DEPDC1B: variants seen among roughly 807,000 people sequenced by gnomAD.
DEPDC1B encodes DEP domain-containing protein 1B.
DEPDC1B carries 51 observed loss-of-function variants against 66.5 expected under a neutral mutation model. That is an observed-to-expected ratio of 0.77 (90% CI 0.61 to 0.97). The LOEUF (loss-of-function observed/expected upper bound fraction) is 0.97, where lower values mean the gene tolerates loss of function less well. Ranked by LOEUF, DEPDC1B falls within the 50% of genes least tolerant of loss-of-function variation. The pLI is 0.00. For synonymous variants in DEPDC1B, 226 were observed against 223.6 expected (o/e 1.01, Z -0.10); for missense variants, 552 against 637.1 (o/e 0.87, Z 1.44).
At position 60,644,806 on chromosome 5, in the gene DEPDC1B, G is replaced by A. The variant is rs151101076; in HGVS notation, c.648C>T (p.Phe216=). The change falls in exon 5 of 11, where the codon TTC becomes TTT. Residue 216 remains phenylalanine (F), a synonymous_variant. Coordinates refer to ENST00000265036, the MANE Select transcript of DEPDC1B (RefSeq NM_018369.3). ...TAACACTATATACATTATGGATGAT[G>A]AACTTCGAATTGACAAGTTTGACGT... The part of the protein sequence containing the change: ...VLDVKLVNSK[F]IIHNVYSVSK... The A allele has an allele frequency of 2.2e-5, 35 of 1,611,292 alleles. No homozygotes were observed. The highest frequency in any genetic ancestry group is 1.7e-4 in the Middle Eastern group (1 of 6,060).
At chr5:60,682,639 T>A (rs1028856162) in intron 2 of DEPDC1B, among the ~76,000 whole-genome samples, 10 of 152,144 alleles carry the variant, frequency 6.6e-5, no homozygotes, top group Non-Finnish European at 1.2e-4. Context: ...GCAAAAGGCA[T>A]AGAAAACCTA....
rs986260632 is a variant in DEPDC1B at position 60,621,316 on chromosome 5, A to T, written c.899-15460T>A. Among the ~76,000 whole-genome samples the T allele has an allele frequency of 1.1e-4, 17 of 151,358 alleles. 2 individuals carry two copies. Among genetic ancestry groups the T allele is most frequent in the Admixed American group, 8.6e-4 (13 of 15,166 alleles). ...AAATTTTAAAAATAAAAATAATAAAAATAAAAATAAAATGTGGCACATATA... is the reference window on the plus strand; with the variant it reads ...AAATTTTAAAAATAAAAATAATAAATATAAAAATAAAATGTGGCACATATA... On this transcript the variant is annotated intron_variant, in intron 7 of 10. Transcript: ENST00000265036.
chr5:60,693,021 C>T (rs186628571), intron 1 of DEPDC1B, among the ~76,000 whole-genome samples: 2 of 152,184 alleles, frequency 1.3e-5, no homozygotes, highest in African/African-American at 4.8e-5. Flanking sequence ...GAGACTTCTG[C>T]GGTGCTAGTA....
chr5:60,669,395 A>G (rs1293443526), intron 2 of DEPDC1B, among the ~76,000 whole-genome samples: 1 of 152,182 alleles, frequency 6.6e-6, no homozygotes, highest in East Asian at 1.9e-4. Flanking sequence ...CAGACTTTGT[A>G]CCCAAAAACA....
intron 1 of DEPDC1B, among the ~76,000 whole-genome samples, chr5:60,692,153 A>C (rs1754560407): frequency 6.6e-6 from 1 of 152,212 alleles, no homozygotes; most frequent in Non-Finnish European, 1.5e-5. Flanking sequence ...AAGAGGCAAA[A>C]AGCAGAATGG....
In DEPDC1B at chr5:60,645,595, G is replaced by A; in HGVS notation, c.475C>T (p.His159Tyr). The A allele has an allele frequency of 6.8e-6, 11 of 1,612,608 alleles. No homozygotes were observed. Among genetic ancestry groups the A allele is most frequent in the Non-Finnish European group, 9.3e-6 (11 of 1,179,262 alleles). The change falls in exon 4 of 11, where the codon CAC becomes TAC. Residue 159 changes from histidine to tyrosine, a missense_variant. His to Tyr is a moderately conservative substitution (Grantham distance 83, BLOSUM62 2). Transcript: ENST00000265036. Reference sequence around the variant, plus strand: ...GGCACCTCTCCAATTGCAATACTGTGACGCTTGTACCACATCTCAGAATTC... The same window carrying A: ...GGCACCTCTCCAATTGCAATACTGTAACGCTTGTACCACATCTCAGAATTC... ...VMNSEMWYKR[H>Y]SIAIGEVPAC...
Position 60,619,243 on chromosome 5 carries a change from C to T in DEPDC1B, c.899-13387G>A, listed in dbSNP as rs567216707. Among the ~76,000 whole-genome samples the T allele has an allele frequency of 2.0e-5, 3 of 152,302 alleles. No individual in the cohort carries two copies. The East Asian group carries it at 5.8e-4, about 29-fold the overall frequency. ...AAAACTGGCACAAGACAGGGATGTC[C>T]TCTCTCACCACTCCTATTCAACATA... On this transcript the variant is annotated intron_variant, in intron 7 of 10. Coordinates refer to ENST00000265036, the MANE Select transcript of DEPDC1B (RefSeq NM_018369.3).
chr5:60,638,984 C>A (rs1489290040), intron 6 of DEPDC1B, 94 bp from the exon 7 acceptor site: 1 of 1,426,814 alleles, frequency 7.0e-7, no homozygotes, highest in Non-Finnish European at 9.4e-7. Context: ...TACAGATATT[C>A]AGATATTTGA....
chr5:60,689,120 G>A (rs1754488394), intron 1 of DEPDC1B: 2 of 453,338 alleles, frequency 4.4e-6, no homozygotes, highest in East Asian at 1.4e-4. Flanking sequence ...CCATATACTG[G>A]TTGCACAGGC....
intron 7 of DEPDC1B, among the ~76,000 whole-genome samples, chr5:60,616,494 T>C (rs557733228): frequency 2.0e-5 from 3 of 152,232 alleles, no homozygotes; most frequent in Admixed American, 6.5e-5. Flanking sequence ...ACATGATGAA[T>C]GCACAAGCCT....
At chr5:60,634,969 G>T (rs1377591687) in intron 7 of DEPDC1B, among the ~76,000 whole-genome samples, 2 of 149,130 alleles carry the variant, frequency 1.3e-5, no homozygotes, top group Non-Finnish European at 3.0e-5. Flanking sequence ...TGAGGCAAAA[G>T]AATCACTTGA....
chr5:60,650,312 G>A (rs1753415675), intron 2 of DEPDC1B, among the ~76,000 whole-genome samples: 1 of 152,198 alleles, frequency 6.6e-6, no homozygotes, highest in Admixed American at 6.5e-5. Context: ...CAGATATCAA[G>A]GCTAACATAA....
chr5:60,670,888 G>A (rs946526006), intron 2 of DEPDC1B, among the ~76,000 whole-genome samples: 2 of 152,164 alleles, frequency 1.3e-5, no homozygotes, highest in Admixed American at 1.3e-4. Context: ...GAAGAGAAAA[G>A]GAATCACTAT....
intron 1 of DEPDC1B, among the ~76,000 whole-genome samples, chr5:60,695,868 G>A (rs907958661): frequency 6.6e-6 from 1 of 152,028 alleles, no homozygotes; most frequent in African/African-American, 2.4e-5. Flanking sequence ...GCGTGATCTC[G>A]GCTGACTGCA....
At chr5:60,681,430 T>C (rs1289447050) in intron 2 of DEPDC1B, among the ~76,000 whole-genome samples, 1 of 152,146 alleles carries the variant, frequency 6.6e-6, no homozygotes, top group Non-Finnish European at 1.5e-5. Context: ...AGAGACTAAA[T>C]TACTGTGCAT....
intron 2 of DEPDC1B, among the ~76,000 whole-genome samples, chr5:60,683,293 C>G (rs1226244039): frequency 6.6e-6 from 1 of 151,978 alleles, no homozygotes; most frequent in Non-Finnish European, 1.5e-5. Flanking sequence ...ATTAGCTGAG[C>G]ATGTGGCGTG....
intron 1 of DEPDC1B, among the ~76,000 whole-genome samples, chr5:60,688,168 A>G (rs542713498): frequency 2.5e-4 from 38 of 152,336 alleles, no homozygotes; most frequent in African/African-American, 8.7e-4. Flanking sequence ...TCAAGGCCAC[A>G]AAGATAAACC....
At chr5:60,696,191 T>C (rs1284203533) in intron 1 of DEPDC1B, among the ~76,000 whole-genome samples, 1 of 152,238 alleles carries the variant, frequency 6.6e-6, no homozygotes, top group African/African-American at 2.4e-5. Flanking sequence ...TTTCAATTCA[T>C]TGCATTCTCC....
At chr5:60,657,775 T>G (rs996254234) in intron 2 of DEPDC1B, among the ~76,000 whole-genome samples, 1 of 152,226 alleles carries the variant, frequency 6.6e-6, no homozygotes, top group African/African-American at 2.4e-5. Context: ...GCCTAGGTGA[T>G]TACCTTTTTG....
Sources: allele counts gnomAD v4.1 joint callset (sites outside exome capture counted in the v4.1 genomes callset), GRCh38; gene constraint gnomAD v4.1.1; transcripts MANE v1.5; gene names NCBI Gene and HGNC (gene_info 2026-07-23, HGNC 2026-07-21).